Variants in FMNL3 observed in about 807,000 individuals in gnomAD.
FMNL3 encodes the protein formin like 3, also known as formin-like protein 3.
Under a neutral mutation model 119.6 loss-of-function variants are expected in FMNL3, and 57 were observed. The ratio of observed to expected loss-of-function variants is 0.48; its 90% CI spans 0.39 to 0.59. The LOEUF is 0.59. FMNL3 is among the 20% of genes least tolerant of loss of function. The probability of loss-of-function intolerance (pLI) is 0.00; values close to 1 mark genes in which losing one functional copy is unlikely to be tolerated. For synonymous variants in FMNL3, 491 were observed against 507.3 expected, an observed-to-expected ratio of 0.97 and a Z score of 0.43; for missense variants, 1,053 against 1,323.5, an observed-to-expected ratio of 0.80 and a Z score of 3.17.
Position 49,645,551 on chromosome 12 carries a change from T to G in FMNL3, c.*264A>C. On this transcript the variant is annotated 3_prime_UTR_variant, in exon 26 of 26. Coordinates refer to ENST00000335154, the MANE Select transcript of FMNL3 (RefSeq NM_175736.5). ...GTTTAGGCTAAGGCTGGAAATGGTT[T>G]TTCCTAGCCCTGAGCTGACCCTTGG... The G allele has an allele frequency of 2.2e-6, 1 of 453,016 alleles. No individual in the cohort carries two copies. The allele number at this position is 453,016 out of a possible 1,614,324, so 28.1% of individuals were successfully genotyped here.
chr12:49,643,458 C>CT lies in FMNL3; in HGVS notation c.*2356dup. On this transcript the variant is annotated 3_prime_UTR_variant, in exon 26 of 26. Transcript: ENST00000335154. ...TGTTGTCCCAGACTGAGAGGATGCC[C>CT]TCCACAAGCCCCAGCTCCTTTGAGG... The CT allele has an allele frequency of 6.6e-7, 1 of 1,511,566 alleles. No individual in the cohort carries two copies. 93.6% of individuals were successfully genotyped at this position (1,511,566 alleles called of 1,614,324 possible).
At position 49,648,475 on chromosome 12, in the gene FMNL3, T is replaced by A. The variant is rs533292506; in HGVS notation, c.2516-122A>T. The A allele has an allele frequency of 4.8e-5, 50 of 1,034,146 alleles. No individual in the cohort carries two copies. The East Asian group carries it at 1.3e-3, about 28-fold the overall frequency. 64.1% of individuals were successfully genotyped at this position (1,034,146 alleles called of 1,614,324 possible). A position where few individuals can be genotyped will look rare whatever the true frequency, so the allele number is the denominator to read the frequency against. ...GGGCTCACTCAGGTTCACATACCTGTATGGACATAAGGAAGTACACACCAA... is the reference window on the plus strand; with the variant it reads ...GGGCTCACTCAGGTTCACATACCTGAATGGACATAAGGAAGTACACACCAA... On this transcript the variant is annotated intron_variant, in intron 21 of 25. Coordinates refer to ENST00000335154, the MANE Select transcript of FMNL3 (RefSeq NM_175736.5).
At position 49,637,008 on chromosome 12, in the gene FMNL3, C is replaced by A; in HGVS notation, c.*8807G>T. 2 of 1,081,256 alleles carry A rather than the reference C, an allele frequency of 1.8e-6. No homozygotes were observed. Among genetic ancestry groups the A allele is most frequent in the Middle Eastern group, 3.1e-4 (1 of 3,258 alleles). The allele number at this position is 1,081,256 out of a possible 1,614,324, so 67.0% of individuals were successfully genotyped here. A position where few individuals can be genotyped will look rare whatever the true frequency, so the allele number is the denominator to read the frequency against. ...TCTCTCTGCCTGCAGTCTGTTTCTG[C>A]TGTACCTCCTCAATTCTGGACTGTG... On this transcript the variant is annotated 3_prime_UTR_variant, in exon 26 of 26. Coordinates refer to ENST00000335154, the MANE Select transcript of FMNL3 (RefSeq NM_175736.5).
At chr12:49,666,718 G>C (rs1231240128) in intron 2 of FMNL3, among the ~76,000 whole-genome samples, 1 of 152,024 alleles carries the variant, frequency 6.6e-6, no homozygotes, top group Non-Finnish European at 1.5e-5. Flanking sequence ...GATCCCTTGA[G>C]CCCCGGAGTT....
In FMNL3 at chr12:49,636,965, T is replaced by C. The variant is rs1256428918; in HGVS notation, c.*8850A>G. 1.1e-5 allele frequency: 16 copies of C among 1,481,648 alleles called. No individual in the cohort carries two copies. The highest frequency in any genetic ancestry group is 1.9e-5 in the Admixed American group (1 of 52,792). The allele number at this position is 1,481,648 out of a possible 1,614,324, so 91.8% of individuals were successfully genotyped here. On this transcript the variant is annotated 3_prime_UTR_variant, in exon 26 of 26. Transcript: ENST00000335154. ...CCTGTTCTTTCTGTGCCTAGCCCTG[T>C]CCAAGCTCTATGAGACCTCTCTCTG... is the stretch of plus-strand genomic sequence containing the variant.
chr12:49,690,224 T>G (rs983674278), intron 1 of FMNL3, among the ~76,000 whole-genome samples: 2 of 152,214 alleles, frequency 1.3e-5, no homozygotes, highest in Non-Finnish European at 2.9e-5. Flanking sequence ...CCAACTCAGA[T>G]AGCAAGCATT....
intron 1 of FMNL3, among the ~76,000 whole-genome samples, chr12:49,698,342 A>G (rs1488730672): frequency 6.6e-6 from 1 of 152,130 alleles, no homozygotes; most frequent in Non-Finnish European, 1.5e-5. Flanking sequence ...AACCATCACT[A>G]ATATACAAGA....
chr12:49,650,021 G>T, intron 17 of FMNL3, 96 bp from the exon 18 acceptor site: 1 of 1,091,504 alleles, frequency 9.2e-7, no homozygotes, highest in Non-Finnish European at 1.3e-6. Flanking sequence ...CTGGACAGGG[G>T]ACTGTACACG....
At chr12:49,703,879 C>T (rs1234403526) in intron 1 of FMNL3, among the ~76,000 whole-genome samples, 3 of 152,268 alleles carry the variant, frequency 2.0e-5, no homozygotes, top group East Asian at 3.9e-4. Context: ...CACAGACACA[C>T]TTGGGGCTAA....
At position 49,637,170 on chromosome 12, in the gene FMNL3, TG is replaced by T; in HGVS notation, c.*8644del. ...ACAGGCAGAGTTTATTCCCTCAGCT[TG>T]GGGGTGGCAGTGGTGGTGGTAGTGC... On this transcript the variant is annotated 3_prime_UTR_variant, in exon 26 of 26. Coordinates refer to ENST00000335154, the MANE Select transcript of FMNL3 (RefSeq NM_175736.5). The T allele has an allele frequency of 1.7e-6, 1 of 572,598 alleles. No homozygotes were observed. Among genetic ancestry groups the T allele is most frequent in the Non-Finnish European group, 3.1e-6 (1 of 321,750 alleles). 35.5% of individuals were successfully genotyped at this position (572,598 alleles called of 1,614,324 possible). A position where few individuals can be genotyped will look rare whatever the true frequency, so the allele number is the denominator to read the frequency against.
At chr12:49,683,101 A>G (rs536015043) in intron 1 of FMNL3, among the ~76,000 whole-genome samples, 6 of 152,242 alleles carry the variant, frequency 3.9e-5, no homozygotes, top group African/African-American at 1.4e-4. Flanking sequence ...ACTCTTCTCA[A>G]CAACTGTGCT....
chr12:49,696,057 A>T (rs1944742757), intron 1 of FMNL3, among the ~76,000 whole-genome samples: 1 of 152,144 alleles, frequency 6.6e-6, no homozygotes, highest in Admixed American at 6.5e-5. Flanking sequence ...TTGTGAAAAT[A>T]TAGCTGTCTC....
intron 1 of FMNL3, among the ~76,000 whole-genome samples, chr12:49,675,974 C>T (rs1944174701): frequency 6.6e-6 from 1 of 152,138 alleles, no homozygotes; most frequent in South Asian, 2.1e-4. Flanking sequence ...TTCCTTAACC[C>T]TAGGATTTGC....
intron 5 of FMNL3, 186 bp downstream of exon 5, chr12:49,661,780 T>C: frequency 1.6e-6 from 1 of 609,716 alleles, no homozygotes; most frequent in Non-Finnish European, 3.0e-6. Flanking sequence ...GTGCCATTCT[T>C]CACTGATCCC....
chr12:49,689,687 A>G (rs1483915393), intron 1 of FMNL3, among the ~76,000 whole-genome samples: 3 of 152,162 alleles, frequency 2.0e-5, no homozygotes, highest in Non-Finnish European at 2.9e-5. Flanking sequence ...TTGCACTTCA[A>G]CCTGGGTGAC....
intron 1 of FMNL3, among the ~76,000 whole-genome samples, chr12:49,682,706 G>A (rs891646949): frequency 2.0e-5 from 3 of 152,120 alleles, no homozygotes; most frequent in African/African-American, 7.2e-5. Context: ...AATAGTATAG[G>A]TTAAACATAC....
At chr12:49,658,863 C>T (rs1382224826) in intron 5 of FMNL3, among the ~76,000 whole-genome samples, 1 of 152,190 alleles carries the variant, frequency 6.6e-6, no homozygotes, top group Non-Finnish European at 1.5e-5. Flanking sequence ...AACTCCTCTG[C>T]TCCCCACTAG....
intron 13 of FMNL3, among the ~76,000 whole-genome samples, chr12:49,652,674 C>A (rs1464261088): frequency 6.6e-6 from 1 of 152,158 alleles, no homozygotes; most frequent in Non-Finnish European, 1.5e-5. Flanking sequence ...CAATACAATG[C>A]TCAGCAGAAG....
intron 10 of FMNL3, 118 bp from the exon 11 acceptor site, chr12:49,654,420 T>C: frequency 1.4e-6 from 1 of 723,672 alleles, no homozygotes; most frequent in African/African-American, 1.8e-5. Flanking sequence ...AGGGAGTCAA[T>C]TAAAGAGTTA....
Sources: allele counts gnomAD v4.1 joint callset (sites outside exome capture counted in the v4.1 genomes callset), GRCh38; gene constraint gnomAD v4.1.1; transcripts MANE v1.5; gene names NCBI Gene and HGNC (gene_info 2026-07-23, HGNC 2026-07-21).